The following F13B variants were observed in gnomAD, a reference collection of about 807,000 sequenced individuals.
The protein encoded by F13B is TGase.
Under a neutral mutation model 79.8 loss-of-function variants are expected in F13B, and 58 were observed. The observed-to-expected ratio is 0.73, with a 90% confidence interval of 0.59 to 0.90. The LOEUF is 0.90. Among genes scored for constraint, F13B ranks in the 40% least tolerant of loss-of-function variants. The pLI, the probability that F13B is intolerant of heterozygous loss-of-function variation, is 0.00. For synonymous variants in F13B, 283 were observed against 260.3 expected (o/e 1.09, Z -0.84); for missense variants, 773 against 777.0 (o/e 0.99, Z 0.06).
Position 197,052,639 on chromosome 1 carries a change from C to T in F13B, c.1550G>A (p.Arg517Lys), listed in dbSNP as rs1425714487. 3 of 1,606,210 alleles carry T rather than the reference C, an allele frequency of 1.9e-6. No individual in the cohort carries two copies. Among genetic ancestry groups the T allele is most frequent in the African/African-American group, 1.3e-5 (1 of 74,702 alleles). Residue 517 changes from arginine (R) to lysine (K), a missense_variant, in exon 9 of 12, where the codon AGA becomes AAA. Physicochemically the swap from Arg to Lys is conservative, Grantham distance 26. Transcript: ENST00000367412. Reference protein sequence around the residue: ...RGEVKYPLCTRKESKGMCTSP... With the variant: ...RGEVKYPLCTKKESKGMCTSP... Reference sequence around the variant, plus strand: ...AGAGAACATTATTATTTTACCTTTTCTAGTACATAAAGGATATTTCACTTC... The same window carrying T: ...AGAGAACATTATTATTTTACCTTTTTTAGTACATAAAGGATATTTCACTTC...
intron 1 of F13B, among the ~76,000 whole-genome samples, 198 bp from the exon 2 acceptor site, chr1:197,063,255 A>G (rs17549582): frequency 6.6e-6 from 1 of 152,182 alleles, no homozygotes; most frequent in Non-Finnish European, 1.5e-5. Flanking sequence ...GACTTTAAAC[A>G]TCCAACAGTC....
At chr1:197,060,319 G>T in intron 5 of F13B, 47 bp downstream of exon 5, 2 of 1,446,298 alleles carry the variant, frequency 1.4e-6, no homozygotes, top group Non-Finnish European at 1.9e-6. Context: ...AGAGATTAAA[G>T]CTGATAAAGA....
chr1:197,045,229 T>C (rs1419042353), intron 10 of F13B, among the ~76,000 whole-genome samples: 1 of 152,032 alleles, frequency 6.6e-6, no homozygotes, highest in Non-Finnish European at 1.5e-5. Context: ...GAACTGTTTT[T>C]TTAAAAAAGA....
chr1:197,059,111 G>C (rs1438860929), intron 5 of F13B, among the ~76,000 whole-genome samples: 1 of 152,108 alleles, frequency 6.6e-6, no homozygotes, highest in African/African-American at 2.4e-5. Context: ...AGCTACTCAG[G>C]AGGCTGAGGC....
chr1:197,062,021 A>G, intron 2 of F13B, 52 bp from the exon 3 acceptor site: 1 of 1,477,856 alleles, frequency 6.8e-7, no homozygotes, highest in Non-Finnish European at 9.3e-7. Context: ...CTTGTCTTTT[A>G]CTAAATTGTA....
In F13B at chr1:197,050,891, A is replaced by C. The variant is rs571095791; in HGVS notation, c.1556-12T>G. ...CATTCCTTTAGATTCTGCAAAAATA[A>C]GTTTTAAAGTATACAATGAATTGCT... On this transcript the variant is annotated splice_polypyrimidine_tract_variant and intron_variant, in intron 9 of 11. Coordinates refer to ENST00000367412, the MANE Select transcript of F13B (RefSeq NM_001994.3). The C allele has an allele frequency of 6.2e-7, 1 of 1,607,464 alleles. No individual in the cohort carries two copies. The highest frequency in any genetic ancestry group is 1.1e-5 in the South Asian group (1 of 90,892).
At chr1:197,066,072 A>G (rs1226933559) in intron 1 of F13B, among the ~76,000 whole-genome samples, 1 of 152,022 alleles carries the variant, frequency 6.6e-6, no homozygotes, top group African/African-American at 2.4e-5. Context: ...CAATGTCTTT[A>G]TGGTATAGAT....
intron 1 of F13B, among the ~76,000 whole-genome samples, chr1:197,066,517 A>C (rs931639571): frequency 1.3e-5 from 2 of 152,106 alleles, no homozygotes; most frequent in African/African-American, 4.8e-5. Flanking sequence ...AAAGCTTTCT[A>C]ATAGGGAGTC....
In F13B at chr1:197,057,459, C is replaced by T. The variant is rs574867134; in HGVS notation, c.812G>A (p.Arg271Lys). The T allele has an allele frequency of 6.2e-7, 1 of 1,613,688 alleles. No individual in the cohort carries two copies. The highest frequency in any genetic ancestry group is 1.1e-5 in the South Asian group (1 of 91,066). ...CAGAGGTGGAGGAGGACATCTGTTT[C>T]TTCTTCCTTATGGAAAAAATTAATC... ...YPESPVCEGR[R>K]NRCPPPPLPI... The change falls in exon 6 of 12, where the codon AGA (arginine) becomes AAA (lysine). Residue 271 changes from arginine (R) to lysine (K), a missense_variant. Transcript: ENST00000367412.
chr1:197,057,518 A>T, intron 5 of F13B, 53 bp from the exon 6 acceptor site: 1 of 1,535,420 alleles, frequency 6.5e-7, no homozygotes, highest in Non-Finnish European at 8.9e-7. Context: ...AAAAAATAAT[A>T]AAGATTAAAT....
Position 197,039,195 on chromosome 1 carries a change from A to T in F13B, c.*183T>A, listed in dbSNP as rs545688760. ...TTAAGTTCTACATCAAATCATACAA[A>T]CTAAAAATTAGACATTTATTGGTTT... On this transcript the variant is annotated 3_prime_UTR_variant, in exon 12 of 12. Coordinates refer to ENST00000367412, the MANE Select transcript of F13B (RefSeq NM_001994.3). 3.5e-6 allele frequency: 2 copies of T among 577,900 alleles called. No homozygotes were observed. Among genetic ancestry groups the T allele is most frequent in the Middle Eastern group, 4.7e-4 (1 of 2,128 alleles). The allele number at this position is 577,900 out of a possible 1,614,324, so 35.8% of individuals were successfully genotyped here.
At chr1:197,062,759 A>T in intron 2 of F13B, 98 bp downstream of exon 2, 1 of 1,164,874 alleles carries the variant, frequency 8.6e-7, no homozygotes, top group East Asian at 2.3e-5. Flanking sequence ...CTTATCTACT[A>T]AAAGGTTTAA....
rs184408180 is a variant in F13B, at chr1:197,042,284, T to C, written c.1739-1549A>G. Among the ~76,000 whole-genome samples the C allele has an allele frequency of 6.2e-4, 94 of 152,282 alleles. 1 individual carries two copies. The highest frequency in any genetic ancestry group is 2.2e-3 in the African/African-American group (92 of 41,558). On this transcript the variant is annotated intron_variant, in intron 10 of 11. Coordinates refer to ENST00000367412, the MANE Select transcript of F13B (RefSeq NM_001994.3). ...AAATAGTTGTGAAAATGAAGTCGAA[T>C]AGCACTATAATTTACGATGTCACTG...
At chr1:197,059,398 C>G (rs890169568) in intron 5 of F13B, among the ~76,000 whole-genome samples, 1 of 152,132 alleles carries the variant, frequency 6.6e-6, no homozygotes, top group Non-Finnish European at 1.5e-5. Flanking sequence ...TACCCATGGT[C>G]AGAGCCCTCA....
chr1:197,040,480 G>T lies in F13B; in HGVS notation c.1952+42C>A. 2.8e-6 allele frequency: 4 copies of T among 1,414,620 alleles called. No individual in the cohort carries two copies. The South Asian group carries it at 3.5e-5, about 12-fold the overall frequency. The allele number at this position is 1,414,620 out of a possible 1,614,324, so 87.6% of individuals were successfully genotyped here. ...TTTCTGAAATGTTGAATAACAATCT[G>T]ACCAAAAAAAATAATCTGACCAAAA... is the stretch of plus-strand genomic sequence containing the variant. On this transcript the variant is annotated intron_variant, in intron 11 of 11. Coordinates refer to ENST00000367412, the MANE Select transcript of F13B (RefSeq NM_001994.3).
chr1:197,065,885 A>G (rs954543175), intron 1 of F13B, among the ~76,000 whole-genome samples: 2 of 152,170 alleles, frequency 1.3e-5, no homozygotes, highest in Non-Finnish European at 2.9e-5. Flanking sequence ...ATACTTGCAT[A>G]CCATGAAATG....
intron 1 of F13B, among the ~76,000 whole-genome samples, chr1:197,063,826 T>A (rs1655956915): frequency 6.6e-6 from 1 of 152,180 alleles, no homozygotes; most frequent in African/African-American, 2.4e-5. Context: ...GAATATCTGA[T>A]CTTGAACTAG....
chr1:197,057,547 A>G (rs1174686219), intron 5 of F13B, 82 bp from the exon 6 acceptor site: 2 of 1,379,532 alleles, frequency 1.4e-6, no homozygotes, highest in Non-Finnish European at 2.0e-6. Flanking sequence ...TCATCATGTC[A>G]AGCATCATAG....
chr1:197,061,169 A>G, intron 3 of F13B, 94 bp from the exon 4 acceptor site: 1 of 705,920 alleles, frequency 1.4e-6, no homozygotes, highest in South Asian at 2.6e-5. Context: ...TTAAGAATAC[A>G]TGGTAAAATC....
Sources: allele counts gnomAD v4.1 joint callset (sites outside exome capture counted in the v4.1 genomes callset), GRCh38; gene constraint gnomAD v4.1.1; transcripts MANE v1.5; gene names NCBI Gene and HGNC (gene_info 2026-07-23, HGNC 2026-07-21).